OPCML: variants seen among roughly 807,000 people sequenced by gnomAD.
OPCML encodes the protein opioid binding protein/cell adhesion molecule like.
OPCML carries 13 observed loss-of-function variants against 37.8 expected under a neutral mutation model. The ratio of observed to expected loss-of-function variants is 0.34; its 90% CI spans 0.22 to 0.55. The LOEUF (loss-of-function observed/expected upper bound fraction) is 0.55, where lower values mean the gene tolerates loss of function less well. OPCML is among the 20% of genes least tolerant of loss of function. The pLI, the probability that OPCML is intolerant of heterozygous loss-of-function variation, is 0.91. For missense variants in OPCML, 341 were observed against 435.6 expected, an observed-to-expected ratio of 0.78 and a Z score of 1.93; for synonymous variants, 176 against 168.8, an observed-to-expected ratio of 1.04 and a Z score of -0.33.
intron 1 of OPCML, chr11:133,420,906 C>G (rs1006349817): frequency 3.0e-6 from 3 of 985,220 alleles, no homozygotes; most frequent in Non-Finnish European, 3.6e-6. Flanking sequence ...TCAAGGAAAA[C>G]AGTAAAAAGG....
At chr11:133,269,222 A>G (rs1941748481) in intron 1 of OPCML, among the ~76,000 whole-genome samples, 1 of 152,216 alleles carries the variant, frequency 6.6e-6, no homozygotes, top group African/African-American at 2.4e-5. Flanking sequence ...GGCATTTTAA[A>G]TAATACCACC....
chr11:132,754,310 T>C (rs946722320), intron 2 of OPCML, among the ~76,000 whole-genome samples: 2 of 152,162 alleles, frequency 1.3e-5, no homozygotes, highest in Non-Finnish European at 2.9e-5. Context: ...TATTGAATCA[T>C]GGGGATAAGT....
intron 2 of OPCML, among the ~76,000 whole-genome samples, chr11:132,719,829 C>T (rs1340699813): frequency 1.3e-5 from 2 of 152,196 alleles, no homozygotes; most frequent in Non-Finnish European, 2.9e-5. Context: ...CTGCCAGTTG[C>T]TGCACAAATG....
At chr11:132,620,083 C>A (rs1038697052) in intron 3 of OPCML, among the ~76,000 whole-genome samples, 6 of 152,050 alleles carry the variant, frequency 3.9e-5, no homozygotes, top group Non-Finnish European at 8.8e-5. Context: ...GAAGAAAAAT[C>A]AATACTGTTG....
chr11:133,127,391 CG>C, intron 1 of OPCML, among the ~76,000 whole-genome samples: 1 of 152,128 alleles, frequency 6.6e-6, no homozygotes, highest in South Asian at 2.1e-4. Flanking sequence ...CCCAGCTACT[CG>C]GGAGGCTGAA....
At chr11:132,594,174 G>A (rs1001112759) in intron 3 of OPCML, among the ~76,000 whole-genome samples, 2 of 152,150 alleles carry the variant, frequency 1.3e-5, no homozygotes, top group Admixed American at 1.3e-4. Context: ...TACCTGAGCT[G>A]AAGATTCTTT....
At chr11:132,713,475 T>C (rs1944349256) in intron 2 of OPCML, among the ~76,000 whole-genome samples, 1 of 152,204 alleles carries the variant, frequency 6.6e-6, no homozygotes, top group African/African-American at 2.4e-5. Flanking sequence ...TCCTGTGACC[T>C]CAAGTACAGC....
chr11:133,282,381 A>G (rs1312993911), intron 1 of OPCML, among the ~76,000 whole-genome samples: 1 of 152,240 alleles, frequency 6.6e-6, no homozygotes, highest in Non-Finnish European at 1.5e-5. Context: ...AGTGCAGGCC[A>G]TAAGCCTTGG....
chr11:133,008,226 G>C, intron 1 of OPCML: 4 of 985,408 alleles, frequency 4.1e-6, no homozygotes, highest in Non-Finnish European at 4.8e-6. Flanking sequence ...CCTACACAGT[G>C]TTGGCCACTT....
At chr11:132,744,564 T>C (rs6590654) in intron 2 of OPCML, among the ~76,000 whole-genome samples, 1 of 152,176 alleles carries the variant, frequency 6.6e-6, no homozygotes, top group Non-Finnish European at 1.5e-5. Flanking sequence ...AATACTCATC[T>C]GTTCGGAAGA....
intron 3 of OPCML, among the ~76,000 whole-genome samples, chr11:132,587,327 A>C (rs1206595234): frequency 6.6e-6 from 1 of 152,256 alleles, no homozygotes; most frequent in Non-Finnish European, 1.5e-5. Context: ...CTTACCAGAC[A>C]TCAAATGACT....
intron 1 of OPCML, among the ~76,000 whole-genome samples, chr11:133,028,286 C>G (rs1383002456): frequency 1.3e-5 from 2 of 152,042 alleles, no homozygotes. Context: ...GGTGGGATGT[C>G]AGGCACTGTG....
intron 7 of OPCML, among the ~76,000 whole-genome samples, chr11:132,432,070 A>G (rs1237175952): frequency 6.6e-6 from 1 of 152,242 alleles, no homozygotes; most frequent in Admixed American, 6.5e-5. Context: ...GGATTGCAAT[A>G]GGAGCAAAGT....
At chr11:133,221,075 G>T (rs2136362799) in intron 1 of OPCML, among the ~76,000 whole-genome samples, 1 of 152,314 alleles carries the variant, frequency 6.6e-6, no homozygotes, top group Non-Finnish European at 1.5e-5. Flanking sequence ...GTAATGCTCA[G>T]AGGCCTTCTT....
intron 1 of OPCML, among the ~76,000 whole-genome samples, chr11:133,289,458 A>G (rs865976145): frequency 1.4e-4 from 21 of 150,870 alleles, no homozygotes; most frequent in East Asian, 3.9e-4. Flanking sequence ...AGCCGGGCGT[A>G]GTGGCGGGCG....
At chr11:132,624,677 A>G (rs1198836477) in intron 3 of OPCML, among the ~76,000 whole-genome samples, 1 of 152,124 alleles carries the variant, frequency 6.6e-6, no homozygotes, top group East Asian at 1.9e-4. Context: ...CTCATTGATC[A>G]TAGTTTCTAG....
intron 1 of OPCML, among the ~76,000 whole-genome samples, chr11:133,442,083 A>G (rs1415099184): frequency 6.6e-6 from 1 of 152,222 alleles, no homozygotes; most frequent in Non-Finnish European, 1.5e-5. Context: ...CAAGCCTTAT[A>G]GTGAGTAGTT....
intron 2 of OPCML, among the ~76,000 whole-genome samples, chr11:132,717,125 G>A (rs1944522834): frequency 6.6e-6 from 1 of 152,102 alleles, no homozygotes; most frequent in South Asian, 2.1e-4. Flanking sequence ...AGGATGGGAA[G>A]GGCCCTGTTG....
chr11:133,166,845 C>G (rs1950215080), intron 1 of OPCML, among the ~76,000 whole-genome samples: 1 of 152,194 alleles, frequency 6.6e-6, no homozygotes, highest in Non-Finnish European at 1.5e-5. Flanking sequence ...AACCTCTTAG[C>G]AATTCAGTTC....
Sources: allele counts gnomAD v4.1 joint callset (sites outside exome capture counted in the v4.1 genomes callset), GRCh38; gene constraint gnomAD v4.1.1; transcripts MANE v1.5; gene names NCBI Gene and HGNC (gene_info 2026-07-23, HGNC 2026-07-21).